SSBP3: variants seen among roughly 807,000 people sequenced by gnomAD.
SSBP3 encodes the protein single-stranded DNA-binding protein 3.
Under a neutral mutation model 69.6 loss-of-function variants are expected in SSBP3, and 5 were observed. That is an observed-to-expected ratio of 0.07 (90% CI 0.04 to 0.15). The LOEUF is 0.15. SSBP3 is among the 10% of genes least tolerant of loss of function. The pLI is 1.00. For missense variants in SSBP3, 312 were observed against 534.0 expected (o/e 0.58, Z 4.10); for synonymous variants, 196 against 193.4 (o/e 1.01, Z -0.11).
chr1:54,255,083 A>G (rs934088410), intron 7 of SSBP3, among the ~76,000 whole-genome samples: 1 of 132,310 alleles, frequency 7.6e-6, no homozygotes, highest in Non-Finnish European at 1.5e-5. Context: ...CACCCGCCTG[A>G]GCCTCCCAAA....
At chr1:54,336,184 A>G (rs1646504623) in intron 4 of SSBP3, among the ~76,000 whole-genome samples, 1 of 152,174 alleles carries the variant, frequency 6.6e-6, no homozygotes. Flanking sequence ...ACTTCTAACT[A>G]TCCATTCCAG....
At chr1:54,227,057 C>G (rs1194896329) in exon 18 of SSBP3, 7 of 1,285,770 alleles carry the variant, frequency 5.4e-6, no homozygotes, top group Non-Finnish European at 7.9e-6. Flanking sequence ...ATAATGACAC[C>G]TCACTTCTTG....
Position 54,353,356 on chromosome 1 carries a change from T to C in SSBP3, c.276+48505A>G, listed in dbSNP as rs148016041. Among the ~76,000 whole-genome samples the C allele has an allele frequency of 3.2e-3, 481 of 152,304 alleles. 3 individuals carry two copies. Among genetic ancestry groups the C allele is most frequent in the African/African-American group, 0.011 (453 of 41,568 alleles). ...CTGGAAGATCACCTCTACTTTCAGA[T>C]CCTACAGGTTCCAGAAAATCTTCAG... On this transcript the variant is annotated intron_variant, in intron 4 of 17. Coordinates refer to ENST00000610401, the Ensembl canonical transcript of SSBP3.
chr1:54,267,589 C>A (rs762871314), intron 5 of SSBP3, among the ~76,000 whole-genome samples: 1 of 152,120 alleles, frequency 6.6e-6, no homozygotes, highest in Admixed American at 6.5e-5. Flanking sequence ...GATTCTGGAC[C>A]GTGAGGATGG....
At chr1:54,259,603 A>T (rs1190248616) in intron 5 of SSBP3, among the ~76,000 whole-genome samples, 2 of 152,206 alleles carry the variant, frequency 1.3e-5, no homozygotes, top group African/African-American at 4.8e-5. Flanking sequence ...TGGCTAAATT[A>T]AAAAGAGAGA....
chr1:54,268,723 TC>T (rs1302733654), intron 5 of SSBP3, among the ~76,000 whole-genome samples: 2 of 152,216 alleles, frequency 1.3e-5, no homozygotes, highest in Admixed American at 6.5e-5. Context: ...CAAGACCTCT[TC>T]CTCCTTCCTC....
chr1:54,330,694 C>T (rs555028717), intron 4 of SSBP3, among the ~76,000 whole-genome samples: 153 of 140,294 alleles, frequency 1.1e-3, no homozygotes, highest in African/African-American at 4.7e-3. Context: ...AACGCTCCAA[C>T]CTTGTGCAGT....
At chr1:54,318,663 G>T (rs549356091) in intron 4 of SSBP3, among the ~76,000 whole-genome samples, 84 of 152,272 alleles carry the variant, frequency 5.5e-4, no homozygotes, top group Middle Eastern at 6.8e-3. Flanking sequence ...ACTGCCAGGA[G>T]AGGAATGTGT....
chr1:54,318,545 A>C (rs1435570981), intron 4 of SSBP3, among the ~76,000 whole-genome samples: 1 of 152,118 alleles, frequency 6.6e-6, no homozygotes, highest in Non-Finnish European at 1.5e-5. Flanking sequence ...GTTCATCTTC[A>C]CACCCCAGAG....
intron 4 of SSBP3, among the ~76,000 whole-genome samples, chr1:54,381,382 CAAAAAAAAAAA>C (rs59809996): frequency 1.2e-4 from 8 of 69,458 alleles, no homozygotes; most frequent in Admixed American, 4.2e-4. Flanking sequence ...TACACCATCT[CAAAAAAAAAAA>C]AAAAAAAAAA....
intron 4 of SSBP3, among the ~76,000 whole-genome samples, chr1:54,369,398 C>A (rs1272224667): frequency 2.6e-5 from 4 of 152,126 alleles, no homozygotes; most frequent in Non-Finnish European, 5.9e-5. Flanking sequence ...AGGGACTGTG[C>A]AGCTAGGTGG....
intron 4 of SSBP3, among the ~76,000 whole-genome samples, chr1:54,335,421 G>A (rs1020243671): frequency 2.0e-5 from 3 of 152,172 alleles, no homozygotes; most frequent in Non-Finnish European, 4.4e-5. Context: ...GGAGACAAGA[G>A]ACAAAAACCA....
chr1:54,401,556 C>A (rs1205376323), intron 4 of SSBP3, among the ~76,000 whole-genome samples: 1 of 152,198 alleles, frequency 6.6e-6, no homozygotes, highest in Non-Finnish European at 1.5e-5. Flanking sequence ...CCCCTCTCAG[C>A]TAACTGTCCA....
Position 54,243,348 on chromosome 1 carries a change from CAGG to C in SSBP3, c.652-52_652-50del. ...TCTATGAGAAGAAGGGAACCGGAGA[CAGG>C]AGGAGGGAGGAGAAACAAACAGACA... On this transcript the variant is annotated intron_variant, in intron 9 of 17. Transcript: ENST00000610401. The C allele has an allele frequency of 1.9e-6, 3 of 1,606,240 alleles. 1 individual carries two copies. The South Asian group carries it at 3.3e-5, about 18-fold the overall frequency.
chr1:54,413,444 C>T (rs1445090774), exon 1 of SSBP3: 2 of 152,258 alleles, frequency 1.3e-5, no homozygotes, highest in South Asian at 2.1e-4. Flanking sequence ...GGCTGAAGGG[C>T]AGAGGATGTC....
upstream of SSBP3, among the ~76,000 whole-genome samples, chr1:54,410,226 C>T (rs1248650787): frequency 6.6e-6 from 1 of 152,154 alleles, no homozygotes; most frequent in Non-Finnish European, 1.5e-5. Flanking sequence ...GAGGTGAATT[C>T]CAAGCTTAGG....
At chr1:54,411,516 T>C (rs1649989578) in intron 1 of SSBP3, among the ~76,000 whole-genome samples, 1 of 148,886 alleles carries the variant, frequency 6.7e-6, no homozygotes, top group South Asian at 2.1e-4. Flanking sequence ...TGACAGGCCA[T>C]GGTGGCTCAT....
At chr1:54,293,126 A>AGG (rs1645637992) in intron 4 of SSBP3, among the ~76,000 whole-genome samples, 1 of 152,146 alleles carries the variant, frequency 6.6e-6, no homozygotes, top group Non-Finnish European at 1.5e-5. Context: ...ACAAAGCTAA[A>AGG]GGGCAAGGCG....
rs78980469 is a variant in SSBP3, at chr1:54,252,469, G to A, written c.508-609C>T. On this transcript the variant is annotated intron_variant, in intron 7 of 17. Transcript: ENST00000610401. ...GTTGCAGAGCCAAGTGAGCACCCAGGTCACATCCCATCAGCTTCTACAATA... is the reference window on the plus strand; with the variant it reads ...GTTGCAGAGCCAAGTGAGCACCCAGATCACATCCCATCAGCTTCTACAATA... 7.8e-3 allele frequency among the ~76,000 whole-genome samples: 1,191 copies of A among 152,342 alleles called. 16 individuals are homozygous for A. Among genetic ancestry groups the A allele is most frequent in the African/African-American group, 0.027 (1,118 of 41,576 alleles).
Sources: gnomAD v4.1 joint callset for allele counts (sites outside exome capture counted in the v4.1 genomes callset) on GRCh38, gnomAD v4.1.1 for gene constraint, MANE v1.5 for transcripts, NCBI Gene and HGNC (gene_info 2026-07-23, HGNC 2026-07-21) for gene names.